F13A1: variants seen among roughly 807,000 people sequenced by gnomAD.
F13A1 encodes coagulation factor XIII A chain.
Under a neutral mutation model 80.1 loss-of-function variants are expected in F13A1, and 47 were observed. The ratio of observed to expected loss-of-function variants is 0.59; its 90% CI spans 0.46 to 0.75. The LOEUF (loss-of-function observed/expected upper bound fraction) is 0.75, where lower values mean the gene tolerates loss of function less well. Among genes scored for constraint, F13A1 ranks in the 30% least tolerant of loss-of-function variants. The probability of loss-of-function intolerance (pLI) is 0.00; values close to 1 mark genes in which losing one functional copy is unlikely to be tolerated. For missense variants in F13A1, 817 were observed against 930.4 expected, an observed-to-expected ratio of 0.88 and a Z score of 1.59; for synonymous variants, 349 against 344.9, an observed-to-expected ratio of 1.01 and a Z score of -0.13.
At chr6:6,258,450 A>G (rs974408331) in intron 4 of F13A1, among the ~76,000 whole-genome samples, 1 of 152,218 alleles carries the variant, frequency 6.6e-6, no homozygotes, top group Admixed American at 6.5e-5. Context: ...ACTTTGAAGC[A>G]TATAAGAGAC....
chr6:6,164,684 C>T (rs935513969), intron 13 of F13A1, among the ~76,000 whole-genome samples: 1 of 148,680 alleles, frequency 6.7e-6, no homozygotes, highest in Middle Eastern at 3.2e-3. Context: ...TCCCTCTTGT[C>T]CCTTCCTCTT....
At chr6:6,277,661 A>T (rs1758006773) in intron 3 of F13A1, among the ~76,000 whole-genome samples, 4 of 152,182 alleles carry the variant, frequency 2.6e-5, no homozygotes, top group African/African-American at 9.6e-5. Context: ...TCCTGGTAAG[A>T]GACTATCAAC....
At chr6:6,242,560 A>G (rs1463775797) in intron 6 of F13A1, among the ~76,000 whole-genome samples, 2 of 152,116 alleles carry the variant, frequency 1.3e-5, no homozygotes, top group Admixed American at 6.5e-5. Context: ...TAATTTTCTC[A>G]TTAATATTAC....
At chr6:6,163,465 C>G (rs1237007159) in intron 13 of F13A1, among the ~76,000 whole-genome samples, 4 of 152,084 alleles carry the variant, frequency 2.6e-5, no homozygotes, top group African/African-American at 9.7e-5. Context: ...GTTATTTTTC[C>G]TGATCCTCTC....
chr6:6,192,802 G>A (rs1316117693), intron 10 of F13A1, among the ~76,000 whole-genome samples: 6 of 152,190 alleles, frequency 3.9e-5, no homozygotes, highest in African/African-American at 1.4e-4. Context: ...GCAGGAGTGT[G>A]TGCATGCATG....
chr6:6,279,652 C>A (rs983377836), intron 3 of F13A1, among the ~76,000 whole-genome samples: 3 of 152,158 alleles, frequency 2.0e-5, no homozygotes, highest in African/African-American at 7.2e-5. Flanking sequence ...CGTAAAGAAT[C>A]TCCTACAGCA....
At chr6:6,309,306 A>G (rs1758557943) in intron 2 of F13A1, among the ~76,000 whole-genome samples, 1 of 152,170 alleles carries the variant, frequency 6.6e-6, no homozygotes, top group African/African-American at 2.4e-5. Context: ...TGACAAAGGA[A>G]GTAAAGAGAA....
intron 3 of F13A1, among the ~76,000 whole-genome samples, chr6:6,289,370 G>T (rs1380015065): frequency 2.0e-5 from 3 of 152,026 alleles, no homozygotes; most frequent in African/African-American, 7.2e-5. Flanking sequence ...GGGGCATATT[G>T]TTAGTCCTCA....
intron 12 of F13A1, 141 bp from the exon 13 acceptor site, chr6:6,167,759 AAG>A (rs1760704029): frequency 1.2e-6 from 1 of 867,916 alleles, no homozygotes; most frequent in Non-Finnish European, 1.9e-6. Flanking sequence ...AAGTGGAACA[AAG>A]AGTCAATTGG....
chr6:6,223,447 T>A (rs2113060999), intron 7 of F13A1, among the ~76,000 whole-genome samples: 1 of 152,294 alleles, frequency 6.6e-6, no homozygotes, highest in Admixed American at 6.5e-5. Context: ...ATCTTTTACC[T>A]TGTCTTGGTT....
At position 6,174,719 on chromosome 6, in the gene F13A1, GA is replaced by G; in HGVS notation, c.1607del (p.Leu536ProfsTer41). 1.2e-6 allele frequency: 2 copies of G among 1,614,182 alleles called. No individual in the cohort carries two copies. The highest frequency in any genetic ancestry group is 1.1e-5 in the South Asian group (1 of 91,078). The stretch of plus-strand genomic sequence containing the variant: ...GGCTGTTGTTCCGGAAGGTGATGGA[GA>G]GCTTGAAGTCTTTTCCCAGCACAGC... The part of the protein sequence containing the change: ...ENAVLGKDFK[L>X]SITFRNNSHN... On this transcript the variant is annotated frameshift_variant, in exon 12 of 15. Coordinates refer to ENST00000264870, the MANE Select transcript of F13A1 (RefSeq NM_000129.4). LOFTEE classifies it high-confidence loss of function.
At chr6:6,295,150 G>A (rs1444211358) in intron 3 of F13A1, among the ~76,000 whole-genome samples, 2 of 146,952 alleles carry the variant, frequency 1.4e-5, no homozygotes, top group East Asian at 3.9e-4. Context: ...ATCATTGTTG[G>A]ATATTTGGGT....
chr6:6,172,397 C>T (rs896144695), intron 12 of F13A1, among the ~76,000 whole-genome samples: 15 of 152,160 alleles, frequency 9.9e-5, no homozygotes, highest in Non-Finnish European at 2.2e-4. Context: ...CCTTTACTAC[C>T]CTAGGAATAG....
chr6:6,202,069 G>A (rs73720336), intron 8 of F13A1, among the ~76,000 whole-genome samples: 1,874 of 151,100 alleles, frequency 0.012, 35 homozygotes, highest in African/African-American at 0.043. Flanking sequence ...ATAACATATC[G>A]ATTACCTCCC....
At position 6,243,141 on chromosome 6, in the gene F13A1, T is replaced by TCAC. The variant is rs373316750; in HGVS notation, c.798+5168_798+5170dup. Among the ~76,000 whole-genome samples the TCAC allele has an allele frequency of 2.7e-5, 4 of 150,846 alleles. No individual in the cohort carries two copies. In the South Asian group the frequency reaches 6.4e-4, roughly 24 times the overall value. On this transcript the variant is annotated intron_variant, in intron 6 of 14. Coordinates refer to ENST00000264870, the MANE Select transcript of F13A1 (RefSeq NM_000129.4). The surrounding 1 kb of genome is among the most constrained non-coding windows in gnomAD (Gnocchi z 4.2). The stretch of plus-strand genomic sequence containing the variant: ...CTACCACTATCACCACCATCATAAA[T>TCAC]CACCACCACCACCACATTACGCCAT...
intron 2 of F13A1, among the ~76,000 whole-genome samples, chr6:6,308,547 C>G (rs890329910): frequency 4.0e-4 from 59 of 147,848 alleles, no homozygotes; most frequent in African/African-American, 1.5e-3. Context: ...CTTGGATACT[C>G]TTAACTCACT....
chr6:6,316,187 C>G (rs1229591910), intron 2 of F13A1, among the ~76,000 whole-genome samples: 4 of 125,706 alleles, frequency 3.2e-5, no homozygotes, highest in Non-Finnish European at 4.9e-5. Context: ...TGTCATGATT[C>G]TGGGCTTCAG....
chr6:6,283,024 C>T (rs1758087423), intron 3 of F13A1, among the ~76,000 whole-genome samples: 1 of 152,160 alleles, frequency 6.6e-6, no homozygotes, highest in African/African-American at 2.4e-5. Context: ...CCACCTTAAT[C>T]GAGTGGTTAA....
intron 3 of F13A1, among the ~76,000 whole-genome samples, chr6:6,301,915 G>T (rs1178595089): frequency 6.6e-6 from 1 of 152,146 alleles, no homozygotes; most frequent in Non-Finnish European, 1.5e-5. Flanking sequence ...GATCCACGGG[G>T]GCCCTGTCTG....
Sources: allele counts gnomAD v4.1 joint callset (sites outside exome capture counted in the v4.1 genomes callset), GRCh38; gene constraint gnomAD v4.1.1; non-coding constraint Gnocchi (gnomAD v3.1); transcripts MANE v1.5; gene names NCBI Gene and HGNC (gene_info 2026-07-23, HGNC 2026-07-21).